The following MET variants were observed in gnomAD, a reference collection of about 807,000 sequenced individuals.
MET encodes hepatocyte growth factor receptor.
Under a neutral mutation model 133.1 loss-of-function variants are expected in MET, and 48 were observed. The ratio of observed to expected loss-of-function variants is 0.36; its 90% CI spans 0.29 to 0.46. The LOEUF (loss-of-function observed/expected upper bound fraction) is 0.46. Ranked by LOEUF, MET falls within the 20% of genes least tolerant of loss-of-function variation. The pLI is 1.00. For missense variants in MET, 1,442 were observed against 1,695.9 expected (o/e 0.85, Z 2.63); for synonymous variants, 628 against 616.5 (o/e 1.02, Z -0.28).
chr7:116,723,176 C>T (rs1246737295), intron 2 of MET, among the ~76,000 whole-genome samples: 2 of 143,020 alleles, frequency 1.4e-5, no homozygotes, highest in Non-Finnish European at 3.0e-5. Context: ...AGGCTTTGCT[C>T]ATTTCTTTTT....
At chr7:116,781,162 G>C (rs899418615) in intron 17 of MET, among the ~76,000 whole-genome samples, 3 of 152,080 alleles carry the variant, frequency 2.0e-5, no homozygotes, top group Non-Finnish European at 2.9e-5. Context: ...AGATTGGCCA[G>C]CTCCAAACCT....
At chr7:116,784,903 A>G (rs1461430743) in intron 19 of MET, among the ~76,000 whole-genome samples, 1 of 152,240 alleles carries the variant, frequency 6.6e-6, no homozygotes, top group Non-Finnish European at 1.5e-5. Flanking sequence ...TGTAAAATAA[A>G]AAAACAAGTT....
Position 116,672,560 on chromosome 7 carries a change from G to C in MET, c.-32G>C, listed in dbSNP as rs1796012802. 1 of 395,108 alleles carries C rather than the reference G, an allele frequency of 2.5e-6. No homozygotes were observed. The highest frequency in any genetic ancestry group is 4.4e-5 in the Admixed American group (1 of 22,598). 24.5% of individuals were successfully genotyped at this position (395,108 alleles called of 1,614,324 possible). On this transcript the variant is annotated 5_prime_UTR_variant, in exon 1 of 21. Transcript: ENST00000397752. ...CCTTGCGCCGCTGACTTCTCCACTG[G>C]TTCCTGGGCACCGAAAGGTAAAATT... is the stretch of plus-strand genomic sequence containing the variant.
Position 116,781,971 on chromosome 7 carries a change from ACT to A in MET, c.3523-12_3523-11del. The A allele has an allele frequency of 6.6e-7, 1 of 1,513,678 alleles. No homozygotes were observed. The highest frequency in any genetic ancestry group is 9.2e-7 in the Non-Finnish European group (1 of 1,089,412). The allele number at this position is 1,513,678 out of a possible 1,614,324, so 93.8% of individuals were successfully genotyped here. ...TAGATGCTTAGTTTATGCTTTTCTAACTCTCTTTGACTGCAGAATCCAACTGT... is the reference window on the plus strand; with the variant it reads ...TAGATGCTTAGTTTATGCTTTTCTAACTCTTTGACTGCAGAATCCAACTGT... On this transcript the variant is annotated splice_polypyrimidine_tract_variant and intron_variant, in intron 17 of 20. Transcript: ENST00000397752.
chr7:116,723,858 A>G (rs1225978138), intron 2 of MET, among the ~76,000 whole-genome samples: 109 of 152,188 alleles, frequency 7.2e-4, no homozygotes, highest in Middle Eastern at 6.8e-3. Context: ...CTCCAGCTGC[A>G]TGCTGGGAGA....
At chr7:116,784,952 T>G (rs1263588153) in intron 19 of MET, among the ~76,000 whole-genome samples, 2 of 152,104 alleles carry the variant, frequency 1.3e-5, no homozygotes, top group African/African-American at 2.4e-5. Context: ...AGGCATTGGG[T>G]GAATGCTCCC....
intron 5 of MET, among the ~76,000 whole-genome samples, chr7:116,751,475 G>A (rs1309863765): frequency 6.6e-6 from 1 of 152,146 alleles, no homozygotes; most frequent in Non-Finnish European, 1.5e-5. Flanking sequence ...TAATGTAGAT[G>A]ACAGATAATC....
Position 116,699,954 on chromosome 7 carries a change from C to T in MET, c.870C>T (p.Ser290=), listed in dbSNP as rs2116599938. ...GTTCCATAAACTCTGGATTGCATTC[C>T]TACATGGAAATGCCTCTGGAGTGTA... ...RFCSINSGLH[S]YMEMPLECIL... Residue 290 remains serine, a synonymous_variant, in exon 2 of 21, where the codon TCC becomes TCT. Transcript: ENST00000397752. 1 of 1,613,978 alleles carries T rather than the reference C, an allele frequency of 6.2e-7. No individual in the cohort carries two copies. The highest frequency in any genetic ancestry group is 1.1e-5 in the South Asian group (1 of 91,078).
At position 116,796,004 on chromosome 7, in the gene MET, T is replaced by C; in HGVS notation, c.4053T>C (p.His1351=). 2 of 1,614,014 alleles carry C rather than the reference T, an allele frequency of 1.2e-6. No individual in the cohort carries two copies. The highest frequency in any genetic ancestry group is 1.1e-5 in the South Asian group (1 of 91,064). ...FSTFIGEHYV[H]VNATYVNVKC... is the part of the protein sequence containing the mutation. ...CTTTCATTGGGGAGCACTATGTCCA[T>C]GTGAACGCTACTTATGTGAACGTAA... Residue 1351 remains histidine (H), a synonymous_variant, in exon 21 of 21, where the codon CAT becomes CAC. Coordinates refer to ENST00000397752, the MANE Select transcript of MET (RefSeq NM_000245.4).
rs558069187 is a variant in MET, at chr7:116,781,017, A to G, written c.3523-971A>G. Among the ~76,000 whole-genome samples the G allele has an allele frequency of 3.9e-5, 6 of 152,250 alleles. No individual in the cohort carries two copies. In the South Asian group the frequency reaches 6.2e-4, roughly 16 times the overall value. ...AAGCATACCTGTCATGTGCAAACCA[A>G]CCAATCCAGAGCCCTTATCTAACCT... On this transcript the variant is annotated intron_variant, in intron 17 of 20. Transcript: ENST00000397752.
Position 116,699,216 on chromosome 7 carries a change from C to T in MET, c.132C>T (p.Pro44=), listed in dbSNP as rs2116581103. The T allele has an allele frequency of 6.2e-7, 1 of 1,613,956 alleles. No homozygotes were observed. The highest frequency in any genetic ancestry group is 2.2e-5 in the East Asian group (1 of 44,872). The change falls in exon 2 of 21, where the codon CCC becomes CCT. Residue 44 remains proline (P), a synonymous_variant. Transcript: ENST00000397752. ...EMNVNMKYQL[P]NFTAETPIQN... ...ATGTGAATATGAAGTATCAGCTTCC[C>T]AACTTCACCGCGGAAACACCCATCC...
chr7:116,675,087 A>G (rs1256645640), intron 1 of MET, among the ~76,000 whole-genome samples: 1 of 152,228 alleles, frequency 6.6e-6, no homozygotes, highest in Admixed American at 6.5e-5. Flanking sequence ...CTCAGTGCAA[A>G]ATAAATAGTC....
At position 116,764,498 on chromosome 7, in the gene MET, T is replaced by G. The variant is rs150918864; in HGVS notation, c.2583+1230T>G. ...TTCTTGATGATAACAAAGGTTTATG[T>G]GCAAATAGTTTTACACTCACAGAAA... On this transcript the variant is annotated intron_variant, in intron 11 of 20. Transcript: ENST00000397752. Among the ~76,000 whole-genome samples the G allele has an allele frequency of 8.0e-4, 122 of 152,264 alleles. No individual in the cohort carries two copies. In the East Asian group the frequency reaches 8.9e-3, roughly 11 times the overall value.
intron 3 of MET, among the ~76,000 whole-genome samples, chr7:116,738,914 T>A (rs946026927): frequency 1.3e-5 from 2 of 152,228 alleles, no homozygotes; most frequent in Non-Finnish European, 2.9e-5. Context: ...ATCTCACAGA[T>A]GTCCATGTTT....
At chr7:116,739,152 G>T (rs1793350538) in intron 3 of MET, among the ~76,000 whole-genome samples, 1 of 152,118 alleles carries the variant, frequency 6.6e-6, no homozygotes, top group Admixed American at 6.5e-5. Flanking sequence ...TAATCATTTG[G>T]ATTTTATCCC....
intron 2 of MET, among the ~76,000 whole-genome samples, chr7:116,719,970 C>G (rs1399542264): frequency 1.3e-5 from 2 of 151,638 alleles, no homozygotes; most frequent in African/African-American, 4.8e-5. Flanking sequence ...CTTGGCGATG[C>G]GGGCTCTTTT....
At chr7:116,720,250 G>A (rs1391943001) in intron 2 of MET, among the ~76,000 whole-genome samples, 2 of 140,330 alleles carry the variant, frequency 1.4e-5, no homozygotes, top group Non-Finnish European at 3.1e-5. Context: ...TGAAGCAATT[G>A]TGAATGGGAG....
chr7:116,769,681 G>C lies in MET; in HGVS notation c.2620G>C (p.Val874Leu), dbSNP rs1299130122. ...DIDPEAVKGE[V>L]LKVGNKSCEN... ...TGACCCTGAAGCAGTTAAAGGTGAA[G>C]TGTTAAAAGTTGGAAATAAGAGCTG... Residue 874 changes from valine to leucine, a missense_variant, in exon 12 of 21, where the codon GTG becomes CTG. Val to Leu is a conservative substitution (Grantham distance 32). Transcript: ENST00000397752. 1 of 1,612,440 alleles carries C rather than the reference G, an allele frequency of 6.2e-7. No individual in the cohort carries two copies. Among genetic ancestry groups the C allele is most frequent in the Non-Finnish European group, 8.5e-7 (1 of 1,179,650 alleles).
chr7:116,682,199 A>G (rs965514340), intron 1 of MET, among the ~76,000 whole-genome samples: 2 of 152,230 alleles, frequency 1.3e-5, no homozygotes, highest in Admixed American at 1.3e-4. Flanking sequence ...CAGTTTCATT[A>G]ATGACAATGA....
Sources: gnomAD v4.1 joint callset for allele counts (sites outside exome capture counted in the v4.1 genomes callset) on GRCh38, gnomAD v4.1.1 for gene constraint, MANE v1.5 for transcripts, NCBI Gene and HGNC (gene_info 2026-07-23, HGNC 2026-07-21) for gene names.